Variants in TTLL7 observed in about 807,000 individuals in gnomAD.
TTLL7 encodes the protein tubulin polyglutamylase TTLL7.
In TTLL7, 53 loss-of-function variants were observed where a neutral mutation model predicts 120.2. The ratio of observed to expected loss-of-function variants is 0.44; its 90% CI spans 0.35 to 0.55. The LOEUF (loss-of-function observed/expected upper bound fraction) is 0.55, where lower values mean the gene tolerates loss of function less well. TTLL7 is among the 20% of genes least tolerant of loss of function. TTLL7 has a pLI of 0.00. For missense variants in TTLL7, 803 were observed against 1,054.7 expected (o/e 0.76, Z 3.31); for synonymous variants, 353 against 351.7 (o/e 1.00, Z -0.04).
chr1:83,878,307 G>A (rs2100701353), intron 20 of TTLL7, among the ~76,000 whole-genome samples: 1 of 151,864 alleles, frequency 6.6e-6, no homozygotes, highest in East Asian at 1.9e-4. Flanking sequence ...TGACAGTTAA[G>A]TCTGTTAATT....
At chr1:83,902,690 T>G (rs1368198905) in intron 18 of TTLL7, among the ~76,000 whole-genome samples, 1 of 151,928 alleles carries the variant, frequency 6.6e-6, no homozygotes, top group Admixed American at 6.6e-5. Context: ...TCCTTGAAAC[T>G]CGAGGTAGTT....
intron 19 of TTLL7, among the ~76,000 whole-genome samples, chr1:83,889,652 GGTTA>G (rs1557553006): frequency 6.6e-6 from 1 of 152,014 alleles, no homozygotes; most frequent in East Asian, 1.9e-4. Context: ...TAAGTAATAT[GGTTA>G]GTTATTATCT....
chr1:83,900,147 A>C, intron 18 of TTLL7: 1 of 446,028 alleles, frequency 2.2e-6, no homozygotes, highest in Non-Finnish European at 4.5e-6. Flanking sequence ...TGTAAAAAAC[A>C]GAATAGCACT....
intron 14 of TTLL7, among the ~76,000 whole-genome samples, chr1:83,914,152 A>C (rs2100778185): frequency 6.6e-6 from 1 of 152,268 alleles, no homozygotes; most frequent in Non-Finnish European, 1.5e-5. Flanking sequence ...CCACCAGATA[A>C]GTATCTTATC....
At chr1:83,917,357 C>A (rs561950542) in intron 14 of TTLL7, among the ~76,000 whole-genome samples, 10 of 152,134 alleles carry the variant, frequency 6.6e-5, no homozygotes, top group African/African-American at 2.4e-4. Context: ...GCTCTTGGGT[C>A]CCTTTTGGCC....
At chr1:83,951,051 C>T (rs1302784382) in intron 3 of TTLL7, among the ~76,000 whole-genome samples, 2 of 151,950 alleles carry the variant, frequency 1.3e-5, no homozygotes, top group Admixed American at 6.6e-5. Context: ...CTGGCAGTTA[C>T]GTTTAGAAGG....
At chr1:83,968,100 G>A (rs1571338302) in intron 1 of TTLL7, among the ~76,000 whole-genome samples, 2 of 152,032 alleles carry the variant, frequency 1.3e-5, no homozygotes, top group Non-Finnish European at 2.9e-5. Context: ...TTTGCTGTGG[G>A]AGGAGACTGA....
intron 18 of TTLL7, among the ~76,000 whole-genome samples, chr1:83,901,346 G>A (rs561430567): frequency 3.9e-4 from 60 of 152,008 alleles, no homozygotes; most frequent in African/African-American, 1.3e-3. Flanking sequence ...TTTATATAGT[G>A]AGAATTAAGG....
At chr1:83,932,205 T>A (rs546697096) in intron 9 of TTLL7, among the ~76,000 whole-genome samples, 16 of 152,288 alleles carry the variant, frequency 1.1e-4, no homozygotes, top group Non-Finnish European at 2.2e-4. Context: ...ATAAAGTCAT[T>A]ATTTCCTACT....
chr1:83,937,937 T>C lies in TTLL7; in HGVS notation c.803A>G (p.Lys268Arg). ...CCATTTGATGGAACGTTTGCTGCCTTTGTTCTCAGTTTCATCCCGTTCAAA... is the reference window on the plus strand; with the variant it reads ...CCATTTGATGGAACGTTTGCTGCCTCTGTTCTCAGTTTCATCCCGTTCAAA... ...EHFERDETEN[K>R]GSKRSIKWFT... is the part of the protein sequence containing the mutation. The change falls in exon 8 of 21, where the codon AAA (lysine) becomes AGA (arginine). Residue 268 changes from lysine (K) to arginine (R), a missense_variant. By Grantham distance (26) the Lys-to-Arg change is conservative (BLOSUM62 2). This residue lies in a region of TTLL7 where 324 missense variants were observed against 507.7 expected (regional missense o/e 0.64). Transcript: ENST00000260505. The C allele has an allele frequency of 6.2e-7, 1 of 1,614,066 alleles. No homozygotes were observed. Among genetic ancestry groups the C allele is most frequent in the Non-Finnish European group, 8.5e-7 (1 of 1,179,978 alleles).
intron 6 of TTLL7, among the ~76,000 whole-genome samples, chr1:83,945,192 A>G (rs976426204): frequency 6.6e-6 from 1 of 152,212 alleles, no homozygotes; most frequent in African/African-American, 2.4e-5. Flanking sequence ...ACTCTCCAAT[A>G]AAAGGCAGAG....
chr1:83,996,963 G>A (rs539261593), intron 1 of TTLL7, among the ~76,000 whole-genome samples: 20 of 151,778 alleles, frequency 1.3e-4, no homozygotes, highest in Admixed American at 3.3e-4. Flanking sequence ...TGGATTACAA[G>A]ATGCCTTGCC....
At chr1:83,870,449 G>A (rs1182589108) in intron 20 of TTLL7, among the ~76,000 whole-genome samples, 3 of 152,168 alleles carry the variant, frequency 2.0e-5, no homozygotes, top group Admixed American at 2.0e-4. Context: ...CACATTAACA[G>A]TAATTGTTTG....
chr1:83,961,637 G>A (rs1484655586), intron 1 of TTLL7, among the ~76,000 whole-genome samples: 1 of 152,014 alleles, frequency 6.6e-6, no homozygotes, highest in East Asian at 1.9e-4. Flanking sequence ...GCAAATAACA[G>A]CTATAACTCG....
intron 19 of TTLL7, among the ~76,000 whole-genome samples, chr1:83,884,148 G>A (rs1477650312): frequency 6.6e-6 from 1 of 151,648 alleles, no homozygotes; most frequent in Non-Finnish European, 1.5e-5. Context: ...GAGAGAGAGA[G>A]AGAGAGAGGG....
intron 1 of TTLL7, among the ~76,000 whole-genome samples, chr1:83,998,674 C>G (rs576083281): frequency 1.3e-5 from 2 of 150,440 alleles, no homozygotes; most frequent in African/African-American, 4.9e-5. Context: ...AAAAACTGAG[C>G]TGAGATCACA....
intron 19 of TTLL7, among the ~76,000 whole-genome samples, chr1:83,885,528 A>G (rs1557542823): frequency 6.6e-6 from 1 of 152,184 alleles, no homozygotes; most frequent in East Asian, 1.9e-4. Flanking sequence ...TAAAATAAAT[A>G]TATGAATCAA....
At chr1:83,938,553 G>T (rs954493016) in intron 7 of TTLL7, among the ~76,000 whole-genome samples, 24 of 152,138 alleles carry the variant, frequency 1.6e-4, no homozygotes, top group Non-Finnish European at 3.5e-4. Flanking sequence ...CTTTAGCTCG[G>T]TACCACAGTG....
chr1:83,883,202 C>T (rs954145959), intron 19 of TTLL7, 66 bp from the exon 20 acceptor site: 3 of 1,337,648 alleles, frequency 2.2e-6, no homozygotes, highest in East Asian at 2.4e-5. Flanking sequence ...CTATATATCA[C>T]TTCCCTAGCA....
Sources: gnomAD v4.1 joint callset for allele counts (sites outside exome capture counted in the v4.1 genomes callset) on GRCh38, gnomAD v4.1.1 for gene constraint, gnomAD v4.1.1 regional missense constraint, MANE v1.5 for transcripts, NCBI Gene and HGNC (gene_info 2026-07-23, HGNC 2026-07-21) for gene names.